Variants in SMIM35 observed in about 807,000 individuals in gnomAD.
The protein encoded by SMIM35 is TMPRSS4 antisense RNA 1 (non-protein coding).
chr11:118,013,635 A>T (rs1361002417), intron 4 of SMIM35, 113 bp downstream of exon 4: 1 of 393,250 alleles, frequency 2.5e-6, no homozygotes, highest in African/African-American at 2.1e-5. Flanking sequence ...GATGAACCAA[A>T]TAATCTCTTT....
intron 1 of SMIM35, among the ~76,000 whole-genome samples, chr11:118,066,292 T>C (rs191747576): frequency 1.3e-5 from 2 of 152,222 alleles, no homozygotes; most frequent in East Asian, 3.9e-4. Flanking sequence ...AACGTGCATG[T>C]GAAATTGCTC....
At chr11:118,018,038 G>A (rs2058197932) in intron 1 of SMIM35, among the ~76,000 whole-genome samples, 1 of 152,174 alleles carries the variant, frequency 6.6e-6, no homozygotes, top group Non-Finnish European at 1.5e-5. Flanking sequence ...ATACCAGGAG[G>A]TGAGAGAAGA....
rs141076690 is a variant in SMIM35 at position 118,010,952 on chromosome 11, A to T, written c.*33+2796T>A. Among the ~76,000 whole-genome samples the T allele has an allele frequency of 2.1e-3, 320 of 152,310 alleles. 2 individuals are homozygous for T. Among genetic ancestry groups the T allele is most frequent in the African/African-American group, 7.2e-3 (301 of 41,582 alleles). ...CAGCCAAACCTGTGGCTGGGTTTCC[A>T]GGCATCTGCTCCCGAATCGTTTCTA... On this transcript the variant is annotated intron_variant, in intron 4 of 4. Coordinates refer to ENST00000689828, the MANE Select transcript of SMIM35 (RefSeq NM_001394165.1).
intron 1 of SMIM35, among the ~76,000 whole-genome samples, chr11:118,020,066 G>C (rs571694274): frequency 1.3e-5 from 2 of 152,100 alleles, no homozygotes; most frequent in Non-Finnish European, 2.9e-5. Flanking sequence ...AGTTCAAGAC[G>C]ACCAGCCTGG....
chr11:118,024,243 T>C (rs544515902), intron 1 of SMIM35, among the ~76,000 whole-genome samples: 7 of 152,316 alleles, frequency 4.6e-5, no homozygotes, highest in African/African-American at 1.7e-4. Flanking sequence ...GTGCCCATGG[T>C]TGATATCATA....
chr11:118,035,562 C>A (rs2058352857), intron 1 of SMIM35, among the ~76,000 whole-genome samples: 1 of 152,170 alleles, frequency 6.6e-6, no homozygotes, highest in African/African-American at 2.4e-5. Flanking sequence ...AACAGAAGGA[C>A]CTGCGTGGGT....
chr11:118,017,949 A>G (rs1665379084), intron 1 of SMIM35, among the ~76,000 whole-genome samples: 1 of 152,202 alleles, frequency 6.6e-6, no homozygotes, highest in East Asian at 1.9e-4. Context: ...ATCACCTCCC[A>G]CCAGGTCCTT....
At chr11:118,019,807 C>A (rs986861400) in intron 1 of SMIM35, among the ~76,000 whole-genome samples, 2 of 152,114 alleles carry the variant, frequency 1.3e-5, no homozygotes, top group African/African-American at 4.8e-5. Flanking sequence ...AATTTTCCAT[C>A]CTTTTCCCCT....
At chr11:118,046,249 C>T (rs902124760) in intron 1 of SMIM35, among the ~76,000 whole-genome samples, 40 of 152,250 alleles carry the variant, frequency 2.6e-4, no homozygotes, top group African/African-American at 9.4e-4. Context: ...AGAAACAGCC[C>T]CTGACAGATC....
rs2058112062 is a variant in SMIM35 at position 118,004,470 on chromosome 11, G to A, written c.*1940C>T. Reference sequence around the variant, plus strand: ...GATGAGAAAAGCGAAATATGGACATGGAAGGGAGACAGAGGTGTGGAGGGA... The same window carrying A: ...GATGAGAAAAGCGAAATATGGACATAGAAGGGAGACAGAGGTGTGGAGGGA... On this transcript the variant is annotated 3_prime_UTR_variant, in exon 5 of 5. Coordinates refer to ENST00000689828, the MANE Select transcript of SMIM35 (RefSeq NM_001394165.1). 6.6e-6 allele frequency: 1 copy of A among 152,256 alleles called. No individual in the cohort carries two copies. Among genetic ancestry groups the A allele is most frequent in the Admixed American group, 6.5e-5 (1 of 15,286 alleles). 9.4% of individuals were successfully genotyped at this position (152,256 alleles called of 1,614,324 possible).
In SMIM35 at chr11:118,005,066, A is replaced by G. The variant is rs2058114585; in HGVS notation, c.*1344T>C. Reference sequence around the variant, plus strand: ...CAGGAACATTCTTCAGAATCCTACTATCTGGTCACCCCAGCCCTGGAAGTG... The same window carrying G: ...CAGGAACATTCTTCAGAATCCTACTGTCTGGTCACCCCAGCCCTGGAAGTG... On this transcript the variant is annotated 3_prime_UTR_variant, in exon 5 of 5. Coordinates refer to ENST00000689828, the MANE Select transcript of SMIM35 (RefSeq NM_001394165.1). 6.6e-6 allele frequency: 1 copy of G among 152,130 alleles called. No homozygotes were observed. Among genetic ancestry groups the G allele is most frequent in the South Asian group, 2.1e-4 (1 of 4,828 alleles). The allele number at this position is 152,130 out of a possible 1,614,324, so 9.4% of individuals were successfully genotyped here.
At chr11:118,049,313 A>T (rs577909508) in intron 1 of SMIM35, among the ~76,000 whole-genome samples, 21 of 148,562 alleles carry the variant, frequency 1.4e-4, no homozygotes, top group Admixed American at 1.3e-4. Flanking sequence ...GGAAGCTGCA[A>T]TTCTCGCATG....
At chr11:118,068,566 T>C (rs1469418442) in intron 1 of SMIM35, among the ~76,000 whole-genome samples, 1 of 152,038 alleles carries the variant, frequency 6.6e-6, no homozygotes, top group Non-Finnish European at 1.5e-5. Flanking sequence ...AGATTTCAGT[T>C]TCAAGAACTT....
At chr11:118,073,280 A>G (rs1016784434) in intron 1 of SMIM35, among the ~76,000 whole-genome samples, 3 of 152,202 alleles carry the variant, frequency 2.0e-5, no homozygotes, top group African/African-American at 7.2e-5. Flanking sequence ...TGAGGTCAGA[A>G]GTATTGTTAT....
chr11:118,036,285 G>A (rs562366776), intron 1 of SMIM35, among the ~76,000 whole-genome samples: 66 of 152,328 alleles, frequency 4.3e-4, no homozygotes, highest in African/African-American at 1.5e-3. Context: ...CTCTGATGAG[G>A]AAATGCTGGT....
At chr11:118,050,753 G>A (rs1176612756) in intron 1 of SMIM35, among the ~76,000 whole-genome samples, 1 of 152,196 alleles carries the variant, frequency 6.6e-6, no homozygotes, top group Non-Finnish European at 1.5e-5. Flanking sequence ...GAGGCTTTGG[G>A]GTTTTGTAGA....
chr11:118,061,958 C>A (rs181243292), intron 1 of SMIM35, among the ~76,000 whole-genome samples: 2 of 152,316 alleles, frequency 1.3e-5, no homozygotes, highest in East Asian at 3.9e-4. Context: ...GGTCCAAGTT[C>A]ATTACAACTC....
intron 1 of SMIM35, chr11:118,031,701 C>T (rs1200886587): frequency 6.6e-6 from 1 of 152,004 alleles, no homozygotes; most frequent in Non-Finnish European, 1.5e-5. Context: ...CCACAAAGTA[C>T]TTATTAATTA....
chr11:118,041,393 A>G (rs1943998500), intron 1 of SMIM35, among the ~76,000 whole-genome samples: 1 of 152,218 alleles, frequency 6.6e-6, no homozygotes, highest in South Asian at 2.1e-4. Context: ...TGGATAGACC[A>G]TATGCCAAGC....
Sources: allele counts gnomAD v4.1 joint callset (sites outside exome capture counted in the v4.1 genomes callset), GRCh38; gene constraint gnomAD v4.1.1; transcripts MANE v1.5; gene names NCBI Gene and HGNC (gene_info 2026-07-23, HGNC 2026-07-21).